SLC24A1: variants seen among roughly 807,000 people sequenced by gnomAD.
SLC24A1 encodes solute carrier family 24 member 1.
SLC24A1 carries 52 observed loss-of-function variants against 88.1 expected under a neutral mutation model. That is an observed-to-expected ratio of 0.59 (90% confidence interval 0.47 to 0.74). SLC24A1 has a LOEUF of 0.74. Among genes scored for constraint, SLC24A1 ranks in the 30% least tolerant of loss-of-function variants. The pLI, the probability that SLC24A1 is intolerant of heterozygous loss-of-function variation, is 0.00. For missense variants in SLC24A1, 1,173 were observed against 1,363.3 expected (o/e 0.86, Z 2.20); for synonymous variants, 455 against 498.0 (o/e 0.91, Z 1.15).
rs750915993 is a variant in SLC24A1 at position 65,653,812 on chromosome 15, G to A, written c.3051-18G>A. 48 of 1,611,806 alleles carry A rather than the reference G, an allele frequency of 3.0e-5. No individual in the cohort carries two copies. Among genetic ancestry groups the A allele is most frequent in the Admixed American group, 3.3e-5 (2 of 59,834 alleles). ...TATAAACATTAAGGATATTCACATCGTTTCTTCAATCTTGCAGCTTGCCTG... is the reference window on the plus strand; with the variant it reads ...TATAAACATTAAGGATATTCACATCATTTCTTCAATCTTGCAGCTTGCCTG... On this transcript the variant is annotated intron_variant, in intron 9 of 9. Coordinates refer to ENST00000261892, the MANE Select transcript of SLC24A1 (RefSeq NM_004727.3).
chr15:65,654,932 A>G lies in SLC24A1; in HGVS notation c.*853A>G, dbSNP rs1283158740. 2.8e-6 allele frequency: 3 copies of G among 1,063,494 alleles called. No homozygotes were observed. Among genetic ancestry groups the G allele is most frequent in the Admixed American group, 5.1e-5 (1 of 19,672 alleles). The allele number at this position is 1,063,494 out of a possible 1,614,324, so 65.9% of individuals were successfully genotyped here. A position where few individuals can be genotyped will look rare whatever the true frequency, so the allele number is the denominator to read the frequency against. Reference sequence around the variant, plus strand: ...ATTTTCTAGTTTAAAGGAGGACTACATTAACTCTTATTGTTGTGTTTCTGA... The same window carrying G: ...ATTTTCTAGTTTAAAGGAGGACTACGTTAACTCTTATTGTTGTGTTTCTGA... On this transcript the variant is annotated 3_prime_UTR_variant, in exon 10 of 10. Coordinates refer to ENST00000261892, the MANE Select transcript of SLC24A1 (RefSeq NM_004727.3).
rs200020012 is a variant in SLC24A1, at chr15:65,653,509, TAA to T, written c.3051-307_3051-306del. Among the ~76,000 whole-genome samples, 185 of 136,958 alleles carry T rather than the reference TAA, an allele frequency of 1.4e-3. 1 individual carries two copies. The highest frequency in any genetic ancestry group is 2.6e-3 in the African/African-American group (98 of 37,522). The allele number at this position is 136,958 out of a possible 152,430, so 89.8% of individuals were successfully genotyped here. A position where few individuals can be genotyped will look rare whatever the true frequency, so the allele number is the denominator to read the frequency against. ...GAAGTGTGCCTGTAATTCCAGCATT[TAA>T]AAAAAAAAAAAAAGGCACACATCAA... On this transcript the variant is annotated intron_variant, in intron 9 of 9. Coordinates refer to ENST00000261892, the MANE Select transcript of SLC24A1 (RefSeq NM_004727.3).
chr15:65,623,198 C>A (rs1487635686), intron 1 of SLC24A1, among the ~76,000 whole-genome samples: 1 of 152,124 alleles, frequency 6.6e-6, no homozygotes, highest in Non-Finnish European at 1.5e-5. Context: ...CACCTTCTGA[C>A]CTTTGATCCT....
intron 3 of SLC24A1, 60 bp downstream of exon 3, chr15:65,638,241 A>G: frequency 8.4e-7 from 1 of 1,185,814 alleles, no homozygotes; most frequent in South Asian, 1.3e-5. Context: ...GGATGATCAC[A>G]GGCCCAGGGT....
rs56960432 is a variant in SLC24A1, at chr15:65,635,446, C to CAAAAAAAAAAAAAAAAAA, written c.1891-2675_1891-2658dup. ...TGGCAACAGAGTGAGACTCCGTCTC[C>CAAAAAAAAAAAAAAAAAA]AAAAAAAAAAAAAAAAAAAAAAAAG... On this transcript the variant is annotated intron_variant, in intron 2 of 9. Coordinates refer to ENST00000261892, the MANE Select transcript of SLC24A1 (RefSeq NM_004727.3). 1.5e-3 allele frequency among the ~76,000 whole-genome samples: 85 copies of CAAAAAAAAAAAAAAAAAA among 58,324 alleles called. 1 individual carries two copies. Among genetic ancestry groups the CAAAAAAAAAAAAAAAAAA allele is most frequent in the East Asian group, 3.6e-3 (6 of 1,644 alleles). 38.3% of individuals were successfully genotyped at this position (58,324 alleles called of 152,430 possible). A position where few individuals can be genotyped will look rare whatever the true frequency, so the allele number is the denominator to read the frequency against.
intron 5 of SLC24A1, among the ~76,000 whole-genome samples, chr15:65,645,049 T>C (rs1432945160): frequency 6.6e-6 from 1 of 152,210 alleles, no homozygotes; most frequent in Non-Finnish European, 1.5e-5. Flanking sequence ...CAGGACTGCC[T>C]GATCCACCCA....
chr15:65,655,873 C>A lies in SLC24A1; in HGVS notation c.*1794C>A, dbSNP rs145818811. 1.0e-6 allele frequency: 1 copy of A among 985,122 alleles called. No individual in the cohort carries two copies. The highest frequency in any genetic ancestry group is 1.2e-6 in the Non-Finnish European group (1 of 829,644). 61.0% of individuals were successfully genotyped at this position (985,122 alleles called of 1,614,324 possible). ...ATCCCAATGGTATTTTACTTTACAA[C>A]ATGGATGGGCTCATCCTTATCTTTA... is the stretch of plus-strand genomic sequence containing the variant. On this transcript the variant is annotated 3_prime_UTR_variant, in exon 10 of 10. Transcript: ENST00000261892.
Position 65,650,781 on chromosome 15 carries a change from CAGG to C in SLC24A1, c.2637_2639del (p.Glu890del), listed in dbSNP as rs2075472970. On this transcript the variant is annotated inframe_deletion, in exon 7 of 10. Transcript: ENST00000261892. This position sits in a 1 kb window ranked among gnomAD's most constrained non-coding sequence, Gnocchi z 4.1. ...GGAGGAAGAGGAGGAGGAGGAAGAG[CAGG>C]AGGAAGAGGAGGAGGAGGAGGAGGA... The C allele has an allele frequency of 6.2e-7, 1 of 1,608,208 alleles. No individual in the cohort carries two copies. The highest frequency in any genetic ancestry group is 8.5e-7 in the Non-Finnish European group (1 of 1,177,858).
Position 65,625,587 on chromosome 15 carries a change from G to A in SLC24A1, c.1507G>A (p.Gly503Arg), listed in dbSNP as rs768008852. ...GGCAGGCGCCACATTCATGGCTGCTGGAGGCTCTGCTCCTGAGCTCTTCAC... is the reference window on the plus strand; with the variant it reads ...GGCAGGCGCCACATTCATGGCTGCTAGAGGCTCTGCTCCTGAGCTCTTCAC... ...DVAGATFMAA[G>R]GSAPELFTSL... The change falls in exon 2 of 10, where the codon GGA becomes AGA. Residue 503 changes from glycine (G) to arginine (R), a missense_variant. Physicochemically the swap from Gly to Arg is moderately radical, Grantham distance 125. Transcript: ENST00000261892. 6.2e-7 allele frequency: 1 copy of A among 1,614,012 alleles called. No individual in the cohort carries two copies. Among genetic ancestry groups the A allele is most frequent in the Admixed American group, 1.7e-5 (1 of 60,026 alleles).
In SLC24A1 at chr15:65,652,728, T is replaced by C; in HGVS notation, c.2970T>C (p.Ser990=). ...CATCAATTCCTGACCTCATCACCAG[T>C]GTGATTGTCGCTCGAAAAGGCCTGG... ...AGTSIPDLIT[S]VIVARKGLGD... Residue 990 remains serine (S), a synonymous_variant, in exon 9 of 10, where the codon AGT becomes AGC. Transcript: ENST00000261892. The C allele has an allele frequency of 1.9e-6, 3 of 1,613,692 alleles. No individual in the cohort carries two copies. Among genetic ancestry groups the C allele is most frequent in the Non-Finnish European group, 2.5e-6 (3 of 1,179,744 alleles).
rs200297933 is a variant in SLC24A1, at chr15:65,624,991, C to G, written c.911C>G (p.Pro304Arg). Residue 304 changes from proline (P) to arginine (R), a missense_variant, in exon 2 of 10, where the codon CCG (proline) becomes CGG (arginine). By Grantham distance (103) the Pro-to-Arg change is moderately radical (BLOSUM62 -2). Coordinates refer to ENST00000261892, the MANE Select transcript of SLC24A1 (RefSeq NM_004727.3). ...TGGGGGTTAGTGGGAAAGAGCAACC[C>G]GAAGACTCCCCAGGGAACAGTCCTG... ...HPWGLVGKSN[P>R]KTPQGTVLLH... 4 of 1,608,012 alleles carry G rather than the reference C, an allele frequency of 2.5e-6. No individual in the cohort carries two copies. Among genetic ancestry groups the G allele is most frequent in the Non-Finnish European group, 3.4e-6 (4 of 1,176,856 alleles).
In SLC24A1 at chr15:65,625,983, T is replaced by G; in HGVS notation, c.1890+13T>G. ...AGACCTCAGCAAGGTAAGGACAAAT[T>G]GGCTCAGGTTTCTCTAGCCCCTTTG... On this transcript the variant is annotated intron_variant, in intron 2 of 9. Coordinates refer to ENST00000261892, the MANE Select transcript of SLC24A1 (RefSeq NM_004727.3). 1 of 1,596,162 alleles carries G rather than the reference T, an allele frequency of 6.3e-7. No individual in the cohort carries two copies. The highest frequency in any genetic ancestry group is 8.6e-7 in the Non-Finnish European group (1 of 1,163,912).
At chr15:65,648,086 C>T (rs2075367318) in intron 6 of SLC24A1, among the ~76,000 whole-genome samples, 2 of 152,154 alleles carry the variant, frequency 1.3e-5, no homozygotes, top group Non-Finnish European at 2.9e-5. Context: ...CGGTGAAACC[C>T]CGTCTCTACT....
rs1020832314 is a variant in SLC24A1, at chr15:65,625,444, T to C, written c.1364T>C (p.Val455Ala). 8.7e-6 allele frequency: 14 copies of C among 1,613,892 alleles called. No homozygotes were observed. Among genetic ancestry groups the C allele is most frequent in the Non-Finnish European group, 1.0e-5 (12 of 1,179,852 alleles). The stretch of plus-strand genomic sequence containing the variant: ...GTGGAGGAGCGGCGGCAGGGCTGGG[T>C]GGTCCTGCACGTTTTTGGCATGATG... ...FSVEERRQGW[V>A]VLHVFGMMYV... is the part of the protein sequence containing the mutation. The change falls in exon 2 of 10, where the codon GTG (valine) becomes GCG (alanine). Residue 455 changes from valine (V) to alanine (A), a missense_variant. Transcript: ENST00000261892.
chr15:65,626,919 G>A (rs937328654), intron 2 of SLC24A1, among the ~76,000 whole-genome samples: 1 of 152,084 alleles, frequency 6.6e-6, no homozygotes, highest in Non-Finnish European at 1.5e-5. Context: ...CTTCTCTCCT[G>A]CTCCTAAAGG....
In SLC24A1 at chr15:65,625,210, C is replaced by A. The variant is rs779497185; in HGVS notation, c.1130C>A (p.Thr377Asn). ...AAGAAACCTTCCACAGCACCCAGCA[C>A]CTCAACAACCCCTACGGTCAGGGCA... Reference protein sequence around the residue: ...LAKKPSTAPSTSTTPTVRAKL... With the variant: ...LAKKPSTAPSNSTTPTVRAKL... The change falls in exon 2 of 10, where the codon ACC becomes AAC. Residue 377 changes from threonine to asparagine, a missense_variant. Physicochemically the swap from Thr to Asn is moderately conservative, Grantham distance 65. Transcript: ENST00000261892. The A allele has an allele frequency of 6.2e-7, 1 of 1,613,950 alleles. No individual in the cohort carries two copies. The highest frequency in any genetic ancestry group is 1.1e-5 in the South Asian group (1 of 91,086).
In SLC24A1 at chr15:65,625,848, C is replaced by T; in HGVS notation, c.1768C>T (p.Leu590=). 6.2e-7 allele frequency: 1 copy of T among 1,614,034 alleles called. No individual in the cohort carries two copies. The highest frequency in any genetic ancestry group is 8.5e-7 in the Non-Finnish European group (1 of 1,179,890). The change falls in exon 2 of 10, where the codon CTG becomes TTG. Residue 590 remains leucine, a synonymous_variant. Transcript: ENST00000261892. ...LIAWWESLLL[L]LAYAFYVFTM... ...TGCCTGGTGGGAGAGCCTGCTGCTG[C>T]TGCTGGCCTATGCCTTCTATGTGTT... is the stretch of plus-strand genomic sequence containing the variant.
chr15:65,657,590 G>C (rs1270509519), downstream of SLC24A1, among the ~76,000 whole-genome samples: 1 of 152,208 alleles, frequency 6.6e-6, no homozygotes, highest in African/African-American at 2.4e-5. Context: ...CCTGCAGTGA[G>C]CCGAGATCGT....
chr15:65,613,880 C>G (rs1015839607), intron 2 of SLC24A1, among the ~76,000 whole-genome samples: 2 of 152,068 alleles, frequency 1.3e-5, no homozygotes, highest in Non-Finnish European at 2.9e-5. Context: ...GCCTACTTCT[C>G]TTTTGCATTC....
Sources: gnomAD v4.1 joint callset for allele counts (sites outside exome capture counted in the v4.1 genomes callset) on GRCh38, gnomAD v4.1.1 for gene constraint, Gnocchi (gnomAD v3.1) non-coding constraint, MANE v1.5 for transcripts, NCBI Gene and HGNC (gene_info 2026-07-23, HGNC 2026-07-21) for gene names.